Variants in GBE1 observed in about 807,000 individuals in gnomAD.
GBE1 encodes the protein 1,4-alpha-glucan branching enzyme 1.
Under a neutral mutation model 88.8 loss-of-function variants are expected in GBE1, and 70 were observed. The ratio of observed to expected loss-of-function variants is 0.79; its 90% CI spans 0.65 to 0.96. The LOEUF is 0.96. Among genes scored for constraint, GBE1 ranks in the 40% least tolerant of loss-of-function variants. GBE1 has a pLI of 0.00. For synonymous variants in GBE1, 284 were observed against 300.1 expected (o/e 0.95, Z 0.56); for missense variants, 872 against 871.0 (o/e 1.00, Z -0.01).
At position 81,598,322 on chromosome 3, in the gene GBE1, GA is replaced by G. The variant is rs1028380343; in HGVS notation, c.993-4300del. Among the ~76,000 whole-genome samples the G allele has an allele frequency of 5.8e-4, 88 of 151,880 alleles. No individual in the cohort carries two copies. The South Asian group carries it at 1.0e-2, about 17-fold the overall frequency. On this transcript the variant is annotated intron_variant, in intron 7 of 15. Coordinates refer to ENST00000429644, the MANE Select transcript of GBE1 (RefSeq NM_000158.4). Reference sequence around the variant, plus strand: ...ATTAAACAGTACATCATAAAACCACGAATCAAAAACCTCATGTTTTGATCTA... The same window carrying G: ...ATTAAACAGTACATCATAAAACCACGATCAAAAACCTCATGTTTTGATCTA...
chr3:81,547,622 T>G, intron 12 of GBE1, among the ~76,000 whole-genome samples: 1 of 129,748 alleles, frequency 7.7e-6, no homozygotes, highest in East Asian at 2.1e-4. Flanking sequence ...CTAGGTTCGT[T>G]TGTTCTCTCT....
intron 15 of GBE1, among the ~76,000 whole-genome samples, 151 bp from the exon 16 acceptor site, chr3:81,490,614 A>G (rs1702423962): frequency 6.6e-6 from 1 of 152,064 alleles, no homozygotes; most frequent in Non-Finnish European, 1.5e-5. Flanking sequence ...GCTCAATTTC[A>G]CAGTTCCAAC....
intron 1 of GBE1, among the ~76,000 whole-genome samples, chr3:81,754,033 A>G (rs1177732292): frequency 3.3e-5 from 5 of 152,206 alleles, no homozygotes; most frequent in Admixed American, 2.6e-4. Flanking sequence ...TTGTTTGCAG[A>G]CAACATGATT....
At chr3:81,546,252 ACT>A (rs1703203672) in intron 12 of GBE1, among the ~76,000 whole-genome samples, 1 of 151,604 alleles carries the variant, frequency 6.6e-6, no homozygotes, top group Non-Finnish European at 1.5e-5. Flanking sequence ...ACACACACTA[ACT>A]CACACACACT....
At chr3:81,542,110 C>G (rs2106879724) in intron 12 of GBE1, among the ~76,000 whole-genome samples, 1 of 151,996 alleles carries the variant, frequency 6.6e-6, no homozygotes, top group Admixed American at 6.6e-5. Context: ...ACATTCATAC[C>G]TATCTACCAA....
Position 81,499,145 on chromosome 3 carries a change from C to T in GBE1, c.2017G>A (p.Ala673Thr), listed in dbSNP as rs193074572. The T allele has an allele frequency of 7.8e-3, 12,581 of 1,609,962 alleles. 64 individuals are homozygous for T. The highest frequency in any genetic ancestry group is 9.7e-3 in the Non-Finnish European group (11,381 of 1,177,216). The change falls in exon 15 of 16, where the codon GCT (alanine) becomes ACT (threonine). Residue 673 changes from alanine (A) to threonine (T), a missense_variant. Ala to Thr is a moderately conservative substitution (Grantham distance 58). Coordinates refer to ENST00000429644, the MANE Select transcript of GBE1 (RefSeq NM_000158.4). ...LDHSTDFFSE[A>T]FEHNGRPYSL... The stretch of plus-strand genomic sequence containing the variant: ...TAGGGACGCCCATTATGTTCAAAAG[C>T]CTCAGAAAAAAAGTCAGTGCTGTGG...
At chr3:81,496,554 G>A (rs1702501297) in intron 15 of GBE1, among the ~76,000 whole-genome samples, 1 of 152,190 alleles carries the variant, frequency 6.6e-6, no homozygotes, top group Non-Finnish European at 1.5e-5. Context: ...TAGTCTGCAA[G>A]TATGGGAGGT....
At chr3:81,602,635 G>T (rs888753903) in intron 7 of GBE1, among the ~76,000 whole-genome samples, 2 of 152,108 alleles carry the variant, frequency 1.3e-5, no homozygotes, top group East Asian at 1.9e-4. Context: ...CCTCCCAAAG[G>T]CCCCACTTCC....
intron 1 of GBE1, among the ~76,000 whole-genome samples, chr3:81,722,855 A>C (rs1175192288): frequency 6.7e-6 from 1 of 148,878 alleles, no homozygotes; most frequent in Non-Finnish European, 1.5e-5. Context: ...TTTAGGCTCT[A>C]GGGTATGTGC....
intron 15 of GBE1, among the ~76,000 whole-genome samples, chr3:81,493,565 T>C (rs1173334127): frequency 6.6e-6 from 1 of 151,504 alleles, no homozygotes; most frequent in East Asian, 1.9e-4. Context: ...GGAGTTTCGC[T>C]CTTGTTACCC....
At chr3:81,621,139 T>C (rs1023003911) in intron 7 of GBE1, among the ~76,000 whole-genome samples, 4 of 152,216 alleles carry the variant, frequency 2.6e-5, no homozygotes, top group Admixed American at 1.3e-4. Flanking sequence ...CACCACTGAA[T>C]GTTTTCCATT....
At chr3:81,689,185 T>C (rs1393860715) in intron 2 of GBE1, among the ~76,000 whole-genome samples, 1 of 152,216 alleles carries the variant, frequency 6.6e-6, no homozygotes, top group Admixed American at 6.5e-5. Context: ...TAAGAAAACT[T>C]CAATTGCTAC....
At chr3:81,610,128 A>G (rs1456317000) in intron 7 of GBE1, among the ~76,000 whole-genome samples, 1 of 152,174 alleles carries the variant, frequency 6.6e-6, no homozygotes, top group Non-Finnish European at 1.5e-5. Flanking sequence ...TTTTCCAACT[A>G]TTATGATGCT....
intron 1 of GBE1, among the ~76,000 whole-genome samples, chr3:81,743,346 C>T (rs1282807094): frequency 6.6e-6 from 1 of 151,964 alleles, no homozygotes; most frequent in African/African-American, 2.4e-5. Flanking sequence ...AGTATGAACA[C>T]TGAAGAAACT....
intron 14 of GBE1, among the ~76,000 whole-genome samples, chr3:81,522,181 A>C (rs1702882816): frequency 1.3e-5 from 2 of 151,560 alleles, no homozygotes; most frequent in South Asian, 2.1e-4. Flanking sequence ...TGGTAATCTA[A>C]GAAGCATGTT....
chr3:81,514,156 C>G (rs144230550), intron 14 of GBE1, among the ~76,000 whole-genome samples: 1 of 151,124 alleles, frequency 6.6e-6, no homozygotes, highest in Non-Finnish European at 1.5e-5. Context: ...GCAAAAAGGA[C>G]AGATGTTAAT....
chr3:81,676,284 T>C (rs998698006), intron 2 of GBE1, among the ~76,000 whole-genome samples: 1 of 152,020 alleles, frequency 6.6e-6, no homozygotes, highest in Admixed American at 6.6e-5. Context: ...TGGAGCAACA[T>C]TTAGGAACCT....
chr3:81,631,857 GGTTT>G (rs1704517533), intron 7 of GBE1, among the ~76,000 whole-genome samples: 1 of 152,010 alleles, frequency 6.6e-6, no homozygotes, highest in Non-Finnish European at 1.5e-5. Flanking sequence ...AGAATGTGCA[GGTTT>G]GTTACACAGA....
intron 14 of GBE1, among the ~76,000 whole-genome samples, chr3:81,502,351 A>ATTT (rs1702598299): frequency 6.6e-6 from 1 of 152,198 alleles, no homozygotes; most frequent in African/African-American, 2.4e-5. Flanking sequence ...ATAAAGGAAA[A>ATTT]GCTTATGAAA....
Sources: gnomAD v4.1 joint callset for allele counts (sites outside exome capture counted in the v4.1 genomes callset) on GRCh38, gnomAD v4.1.1 for gene constraint, MANE v1.5 for transcripts, NCBI Gene and HGNC (gene_info 2026-07-23, HGNC 2026-07-21) for gene names.